Variants in GPR107 observed in about 807,000 individuals in gnomAD.
The protein encoded by GPR107 is protein GPR107.
Under a neutral mutation model 75.5 loss-of-function variants are expected in GPR107, and 31 were observed. The ratio of observed to expected loss-of-function variants is 0.41; its 90% CI spans 0.31 to 0.55. GPR107 has a LOEUF of 0.55. Among genes scored for constraint, GPR107 ranks in the 20% least tolerant of loss-of-function variants. The pLI is 0.26. For synonymous variants in GPR107, 267 were observed against 251.3 expected (o/e 1.06, Z -0.59); for missense variants, 572 against 665.7 (o/e 0.86, Z 1.55).
rs1415181083 is a variant in GPR107, at chr9:130,137,824, C to G, written c.*2703C>G. 6.6e-6 allele frequency: 1 copy of G among 152,240 alleles called. No individual in the cohort carries two copies. The highest frequency in any genetic ancestry group is 1.5e-5 in the Non-Finnish European group (1 of 68,048). 9.4% of individuals were successfully genotyped at this position (152,240 alleles called of 1,614,324 possible). ...CGGTGTTTGAATGGTTAAGCCCTTGCAGTATTTCAGATCGGGCAAAAAATA... is the reference window on the plus strand; with the variant it reads ...CGGTGTTTGAATGGTTAAGCCCTTGGAGTATTTCAGATCGGGCAAAAAATA... On this transcript the variant is annotated 3_prime_UTR_variant, in exon 18 of 18. Coordinates refer to ENST00000347136, the MANE Select transcript of GPR107 (RefSeq NM_020960.5).
intron 15 of GPR107, among the ~76,000 whole-genome samples, chr9:130,125,815 C>T (rs1171675935): frequency 2.6e-5 from 4 of 151,710 alleles, no homozygotes; most frequent in Non-Finnish European, 4.4e-5. Context: ...TTTGGGAGAC[C>T]GAGGCGGGCA....
chr9:130,084,974 T>C (rs1830582036), intron 6 of GPR107, among the ~76,000 whole-genome samples: 1 of 152,056 alleles, frequency 6.6e-6, no homozygotes, highest in Non-Finnish European at 1.5e-5. Flanking sequence ...ACGCAAAGAC[T>C]GGATGATGAC....
chr9:130,124,600 G>A (rs907465768), intron 14 of GPR107, among the ~76,000 whole-genome samples: 2 of 152,196 alleles, frequency 1.3e-5, no homozygotes, highest in African/African-American at 2.4e-5. Flanking sequence ...CTGATTTGTA[G>A]CATCTGCCAA....
intron 1 of GPR107, among the ~76,000 whole-genome samples, chr9:130,074,308 C>T (rs1830287775): frequency 6.6e-6 from 1 of 152,166 alleles, no homozygotes; most frequent in African/African-American, 2.4e-5. Flanking sequence ...ACAGCCTGTC[C>T]TCACAGGCCT....
intron 14 of GPR107, among the ~76,000 whole-genome samples, chr9:130,118,539 C>A (rs958970429): frequency 1.3e-5 from 2 of 152,118 alleles, no homozygotes; most frequent in East Asian, 1.9e-4. Context: ...GAAGGACTTA[C>A]CAGAATCGAG....
Position 130,112,843 on chromosome 9 carries a change from G to A in GPR107, c.1306+5304G>A, listed in dbSNP as rs1455246686. On this transcript the variant is annotated intron_variant, in intron 14 of 17. Coordinates refer to ENST00000347136, the MANE Select transcript of GPR107 (RefSeq NM_020960.5). This position sits in a 1 kb window ranked among gnomAD's most constrained non-coding sequence, Gnocchi z 4.0. ...TGGCTTACTGCAGCCTCAACCTCCT[G>A]GGCCCAACCGATCCTCTCACCTCAG... 6.6e-6 allele frequency among the ~76,000 whole-genome samples: 1 copy of A among 151,988 alleles called. No individual in the cohort carries two copies. The highest frequency in any genetic ancestry group is 1.5e-5 in the Non-Finnish European group (1 of 68,020).
chr9:130,063,240 G>T (rs1308615966), intron 1 of GPR107, among the ~76,000 whole-genome samples: 1 of 151,950 alleles, frequency 6.6e-6, no homozygotes, highest in Non-Finnish European at 1.5e-5. Flanking sequence ...GCCCAGGCTG[G>T]AGTGCAATGG....
intron 9 of GPR107, among the ~76,000 whole-genome samples, chr9:130,097,681 C>G (rs868079132): frequency 8.6e-5 from 13 of 151,376 alleles, no homozygotes; most frequent in African/African-American, 3.1e-4. Flanking sequence ...TAACCATTTC[C>G]CCTCTTGTGG....
intron 11 of GPR107, 97 bp downstream of exon 11, chr9:130,100,799 C>T: frequency 1.2e-6 from 1 of 835,584 alleles, no homozygotes; most frequent in Non-Finnish European, 2.0e-6. Context: ...CCCTGCCCTC[C>T]TGTGGCAGCC....
At chr9:130,129,339 C>T (rs551129756) in intron 17 of GPR107, 3 of 152,486 alleles carry the variant, frequency 2.0e-5, no homozygotes, top group African/African-American at 7.2e-5. Context: ...AGCATATTTG[C>T]TTGTTAACTG....
chr9:130,095,042 T>A (rs1462682831), intron 9 of GPR107, among the ~76,000 whole-genome samples: 1 of 152,186 alleles, frequency 6.6e-6, no homozygotes, highest in East Asian at 1.9e-4. Context: ...ACTTTTGCCT[T>A]TACTGGAAAA....
chr9:130,108,129 T>A (rs539429377), intron 14 of GPR107, among the ~76,000 whole-genome samples: 16 of 152,354 alleles, frequency 1.1e-4, no homozygotes, highest in African/African-American at 3.1e-4. Context: ...CTGGGCTTAT[T>A]TGAATAATGT....
At chr9:130,075,530 G>GC in intron 1 of GPR107, 106 bp from the exon 2 acceptor site, 1 of 626,404 alleles carries the variant, frequency 1.6e-6, no homozygotes, top group East Asian at 3.0e-5. Context: ...ACAGGCTTGA[G>GC]CCACCGTGCC....
intron 17 of GPR107, among the ~76,000 whole-genome samples, chr9:130,132,187 G>C (rs1392873294): frequency 1.3e-5 from 2 of 152,070 alleles, no homozygotes; most frequent in Non-Finnish European, 2.9e-5. Context: ...GGGAATACAG[G>C]TGTGCCCAGC....
In GPR107 at chr9:130,136,844, CCT is replaced by C. The variant is rs1250708826; in HGVS notation, c.*1727_*1728del. 1 of 152,198 alleles carries C rather than the reference CCT, an allele frequency of 6.6e-6. No homozygotes were observed. The highest frequency in any genetic ancestry group is 1.5e-5 in the Non-Finnish European group (1 of 68,060). 9.4% of individuals were successfully genotyped at this position (152,198 alleles called of 1,614,324 possible). On this transcript the variant is annotated 3_prime_UTR_variant, in exon 18 of 18. Coordinates refer to ENST00000347136, the MANE Select transcript of GPR107 (RefSeq NM_020960.5). ...CGCCTTCCCAGGCCACAGCTGCTCACCTCTCGGCAGATATTTTAGGCAAGCAT... is the reference window on the plus strand; with the variant it reads ...CGCCTTCCCAGGCCACAGCTGCTCACCTCGGCAGATATTTTAGGCAAGCAT...
At chr9:130,070,862 G>A (rs192395354) in intron 1 of GPR107, among the ~76,000 whole-genome samples, 18 of 151,554 alleles carry the variant, frequency 1.2e-4, no homozygotes, top group Non-Finnish European at 2.9e-5. Flanking sequence ...GGCTACAGTT[G>A]CATGCCACCA....
intron 1 of GPR107, among the ~76,000 whole-genome samples, chr9:130,055,203 C>T (rs1475841013): frequency 1.3e-5 from 2 of 152,104 alleles, no homozygotes; most frequent in Non-Finnish European, 2.9e-5. Flanking sequence ...CGCGGTGGCT[C>T]ACGCCTGTAA....
chr9:130,062,593 C>A (rs919437116), intron 1 of GPR107, among the ~76,000 whole-genome samples: 2 of 151,644 alleles, frequency 1.3e-5, no homozygotes, highest in Non-Finnish European at 2.9e-5. Context: ...AGCATGGTGG[C>A]TCTTTCGCCT....
rs958891896 is a variant in GPR107, at chr9:130,132,248, C to T, written c.1563-2777C>T. On this transcript the variant is annotated intron_variant, in intron 17 of 17. Transcript: ENST00000347136. ...TAGAATCACCTGTAGAGTGTTTTTG[C>T]AGTGCCAGTTTCCTGGCCGCACCCC... 2.6e-5 allele frequency among the ~76,000 whole-genome samples: 4 copies of T among 152,152 alleles called. No homozygotes were observed. The East Asian group carries it at 7.7e-4, about 29-fold the overall frequency.
Sources: gnomAD v4.1 joint callset for allele counts (sites outside exome capture counted in the v4.1 genomes callset) on GRCh38, gnomAD v4.1.1 for gene constraint, Gnocchi (gnomAD v3.1) non-coding constraint, MANE v1.5 for transcripts, NCBI Gene and HGNC (gene_info 2026-07-23, HGNC 2026-07-21) for gene names.